Variants in ADGRL3 observed in about 807,000 individuals in gnomAD.
The protein encoded by ADGRL3 is adhesion G protein-coupled receptor L3.
ADGRL3 carries 62 observed loss-of-function variants against 153.5 expected under a neutral mutation model. The observed-to-expected ratio is 0.40, with a 90% confidence interval of 0.33 to 0.50. ADGRL3 has a LOEUF of 0.50. ADGRL3 is among the 20% of genes least tolerant of loss of function. The pLI is 0.47. For synonymous variants in ADGRL3, 710 were observed against 672.5 expected, an observed-to-expected ratio of 1.06 and a Z score of -0.86; for missense variants, 1,641 against 1,859.4, an observed-to-expected ratio of 0.88 and a Z score of 2.16.
intron 1 of ADGRL3, among the ~76,000 whole-genome samples, chr4:61,330,722 C>T (rs570134864): frequency 8.5e-5 from 13 of 152,228 alleles, no homozygotes; most frequent in South Asian, 2.1e-4. Context: ...GCTTCCACTG[C>T]GTGGAAAGGG....
At chr4:61,769,432 G>A (rs992019352) in intron 8 of ADGRL3, among the ~76,000 whole-genome samples, 14 of 152,072 alleles carry the variant, frequency 9.2e-5, no homozygotes, top group Admixed American at 6.5e-4. Context: ...TGGGCTGGTC[G>A]GTCTGAAGAC....
At chr4:61,291,175 T>TACAC (rs68037459) in intron 1 of ADGRL3, among the ~76,000 whole-genome samples, 153 of 135,472 alleles carry the variant, frequency 1.1e-3, no homozygotes, top group African/African-American at 3.8e-3. Context: ...CCTGGATCAA[T>TACAC]ACACACACAC....
rs1026016401 is a variant in ADGRL3 at position 61,757,836 on chromosome 4, A to G, written c.1399+24282A>G. 3.3e-5 allele frequency among the ~76,000 whole-genome samples: 5 copies of G among 152,002 alleles called. 1 individual carries two copies. The highest frequency in any genetic ancestry group is 9.6e-5 in the African/African-American group (4 of 41,470). On this transcript the variant is annotated intron_variant, in intron 8 of 26. Coordinates refer to ENST00000683033, the MANE Select transcript of ADGRL3 (RefSeq NM_001387552.1). ...GTATGTTGTGTCTTTTTTCTCGTTG[A>G]TTTCAAAGAACATCTTTATTTCTGC...
At chr4:62,006,028 A>ATT (rs1301027296) in intron 21 of ADGRL3, among the ~76,000 whole-genome samples, 36 of 95,502 alleles carry the variant, frequency 3.8e-4, no homozygotes, top group Admixed American at 1.1e-3. Context: ...ATATATATAT[A>ATT]TATATTTTTT....
chr4:61,640,815 G>T (rs1281483636), intron 5 of ADGRL3, among the ~76,000 whole-genome samples: 10 of 152,026 alleles, frequency 6.6e-5, no homozygotes, highest in Admixed American at 4.6e-4. Context: ...CTTTTGTTTT[G>T]TTCTTTTGAC....
rs182771492 is a variant in ADGRL3, at chr4:61,541,979, C to T, written c.259+24461C>T. Among the ~76,000 whole-genome samples, 14 of 152,074 alleles carry T rather than the reference C, an allele frequency of 9.2e-5. No individual in the cohort carries two copies. In the Middle Eastern group the frequency reaches 0.01, roughly 112 times the overall value. On this transcript the variant is annotated intron_variant, in intron 4 of 26. Transcript: ENST00000683033. ...GTTTTGTGATAATGTGATGTGGGGT[C>T]GTGGCCAATTTATCCACACTTTAAC...
intron 21 of ADGRL3, among the ~76,000 whole-genome samples, chr4:62,020,026 T>A (rs1231033944): frequency 2.0e-5 from 3 of 152,086 alleles, no homozygotes; most frequent in African/African-American, 4.8e-5. Flanking sequence ...TGGTTCAATT[T>A]GTTGGAATCT....
intron 8 of ADGRL3, among the ~76,000 whole-genome samples, chr4:61,804,963 A>ATT (rs370949071): frequency 1.6e-3 from 235 of 144,068 alleles, no homozygotes; most frequent in Middle Eastern, 0.011. Flanking sequence ...TTATTTATTT[A>ATT]TTTTTTTTTT....
At chr4:61,231,272 T>G (rs1432248390) in intron 1 of ADGRL3, among the ~76,000 whole-genome samples, 2 of 152,206 alleles carry the variant, frequency 1.3e-5, no homozygotes, top group Non-Finnish European at 2.9e-5. Flanking sequence ...GTTCATATTC[T>G]AGACTTATGC....
Position 61,515,024 on chromosome 4 carries a change from C to G in ADGRL3, c.56-2291C>G, listed in dbSNP as rs573395287. 7.2e-5 allele frequency among the ~76,000 whole-genome samples: 11 copies of G among 152,156 alleles called. 1 individual carries two copies. Among genetic ancestry groups the G allele is most frequent in the Admixed American group, 7.2e-4 (11 of 15,278 alleles). On this transcript the variant is annotated intron_variant, in intron 3 of 26. Coordinates refer to ENST00000683033, the MANE Select transcript of ADGRL3 (RefSeq NM_001387552.1). ...TCTAGTTAAGAAGAGATCCCTATTC[C>G]CACGTCCCTGTCCTATGCTACTCTT...
chr4:61,483,875 A>G (rs2098160485), intron 2 of ADGRL3, among the ~76,000 whole-genome samples: 1 of 150,696 alleles, frequency 6.6e-6, no homozygotes, highest in South Asian at 2.1e-4. Context: ...ATATATATGA[A>G]TTAATAAGAT....
At chr4:61,568,417 C>A (rs1027864243) in intron 4 of ADGRL3, among the ~76,000 whole-genome samples, 2 of 151,962 alleles carry the variant, frequency 1.3e-5, no homozygotes, top group Non-Finnish European at 2.9e-5. Flanking sequence ...ATTTTCCTTT[C>A]TTTTCTCTTT....
intron 8 of ADGRL3, among the ~76,000 whole-genome samples, chr4:61,796,063 G>A (rs777076826): frequency 2.4e-4 from 36 of 152,036 alleles, no homozygotes; most frequent in Non-Finnish European, 4.1e-4. Context: ...GGCTGGTCTC[G>A]AACTCCTGAC....
chr4:61,750,349 A>G (rs1045472521), intron 8 of ADGRL3, among the ~76,000 whole-genome samples: 8 of 152,190 alleles, frequency 5.3e-5, no homozygotes, highest in Non-Finnish European at 8.8e-5. Flanking sequence ...TTTAATAATT[A>G]AAATGTCACA....
chr4:62,049,499 A>G (rs1732988427), intron 25 of ADGRL3, among the ~76,000 whole-genome samples: 1 of 152,144 alleles, frequency 6.6e-6, no homozygotes, highest in South Asian at 2.1e-4. Context: ...CTTGTTTATA[A>G]ATGCTGATGG....
chr4:61,460,547 G>T (rs1457616734), intron 2 of ADGRL3, among the ~76,000 whole-genome samples: 1 of 151,998 alleles, frequency 6.6e-6, no homozygotes, highest in African/African-American at 2.4e-5. Context: ...AGGGTGGGAG[G>T]GGGATGAAGA....
chr4:61,306,883 AT>A (rs1443759567), intron 1 of ADGRL3, among the ~76,000 whole-genome samples: 2 of 152,224 alleles, frequency 1.3e-5, no homozygotes, highest in African/African-American at 4.8e-5. Flanking sequence ...GAGCAAAGAA[AT>A]TGTGTCTTTA....
intron 6 of ADGRL3, among the ~76,000 whole-genome samples, chr4:61,700,364 G>A (rs564139250): frequency 6.6e-6 from 1 of 152,222 alleles, no homozygotes; most frequent in East Asian, 1.9e-4. Flanking sequence ...TTAGGAAATA[G>A]TGGAAAATAA....
chr4:62,016,950 A>G (rs2099214969), intron 21 of ADGRL3, among the ~76,000 whole-genome samples: 1 of 151,926 alleles, frequency 6.6e-6, no homozygotes, highest in South Asian at 2.1e-4. Flanking sequence ...TTTTGTTGCT[A>G]TTAGGTATGA....
Sources: gnomAD v4.1 joint callset for allele counts (sites outside exome capture counted in the v4.1 genomes callset) on GRCh38, gnomAD v4.1.1 for gene constraint, MANE v1.5 for transcripts, NCBI Gene and HGNC (gene_info 2026-07-23, HGNC 2026-07-21) for gene names.